The following DTWD2 variants were observed in gnomAD, a reference collection of about 807,000 sequenced individuals.
DTWD2 encodes the protein tRNA-uridine aminocarboxypropyltransferase 2.
In DTWD2, 39 loss-of-function variants were observed where a neutral mutation model predicts 31.8. The ratio of observed to expected loss-of-function variants is 1.22; its 90% confidence interval spans 0.95 to 1.60. DTWD2 has a LOEUF of 1.60. Ranked by LOEUF, DTWD2 falls within the 40% of genes most tolerant of loss-of-function variation. The pLI is 0.00. For synonymous variants in DTWD2, 180 were observed against 142.8 expected (o/e 1.26, Z -1.86); for missense variants, 515 against 381.5 (o/e 1.35, Z -2.92).
intron 4 of DTWD2, 26 bp from the exon 5 acceptor site, chr5:118,848,244 T>G (rs1468248486): frequency 6.5e-7 from 1 of 1,549,824 alleles, no homozygotes; most frequent in Admixed American, 2.2e-5. Flanking sequence ...AAATAGAACA[T>G]AATTTTTGTT....
chr5:118,909,434 C>A (rs1580800370), intron 4 of DTWD2, among the ~76,000 whole-genome samples: 1 of 152,182 alleles, frequency 6.6e-6, no homozygotes, highest in South Asian at 2.1e-4. Flanking sequence ...CTGCAGACCC[C>A]CAACAGCTTT....
At chr5:118,936,442 T>C (rs1245441431) in intron 3 of DTWD2, among the ~76,000 whole-genome samples, 1 of 151,906 alleles carries the variant, frequency 6.6e-6, no homozygotes. Context: ...GCCACTGTAC[T>C]TCAAGCCTGG....
intron 4 of DTWD2, among the ~76,000 whole-genome samples, chr5:118,918,455 T>C (rs1454676015): frequency 1.4e-5 from 2 of 146,834 alleles, no homozygotes; most frequent in African/African-American, 5.1e-5. Context: ...TTAGTCAGAG[T>C]GAGACTCCGT....
chr5:118,852,545 T>C (rs1752034774), intron 4 of DTWD2, among the ~76,000 whole-genome samples: 1 of 152,118 alleles, frequency 6.6e-6, no homozygotes, highest in Non-Finnish European at 1.5e-5. Flanking sequence ...AGAAGGGCTA[T>C]TATTAAAAAG....
chr5:118,853,232 T>C (rs1752051756), intron 4 of DTWD2, among the ~76,000 whole-genome samples: 2 of 152,162 alleles, frequency 1.3e-5, no homozygotes, highest in South Asian at 4.1e-4. Context: ...AAATTGTTTT[T>C]TTAAGTTAAA....
chr5:118,843,349 G>C (rs969649611), intron 5 of DTWD2, among the ~76,000 whole-genome samples: 4 of 142,002 alleles, frequency 2.8e-5, no homozygotes, highest in African/African-American at 1.2e-4. Flanking sequence ...GAGGGAGGCA[G>C]GGAGGGAGGA....
chr5:118,930,976 G>T (rs1007445023), intron 3 of DTWD2, among the ~76,000 whole-genome samples: 1 of 151,700 alleles, frequency 6.6e-6, no homozygotes, highest in African/African-American at 2.4e-5. Context: ...AAATATCTTT[G>T]GATATACTAG....
chr5:118,861,583 T>TA (rs374006976), intron 4 of DTWD2, among the ~76,000 whole-genome samples: 3,448 of 152,114 alleles, frequency 0.023, 48 homozygotes, highest in Middle Eastern at 0.034. Context: ...GATTTTTTTT[T>TA]AAAAAAGAAT....
At chr5:118,872,776 T>TGCTGACAGATTTACACGAA (rs1752534645) in intron 4 of DTWD2, among the ~76,000 whole-genome samples, 1 of 152,112 alleles carries the variant, frequency 6.6e-6, no homozygotes, top group Non-Finnish European at 1.5e-5. Flanking sequence ...GGAAAAACGG[T>TGCTGACAGATTTACACGAA]GCTGACAGAT....
chr5:118,872,707 T>G (rs1752533215), intron 4 of DTWD2, among the ~76,000 whole-genome samples: 1 of 152,146 alleles, frequency 6.6e-6, no homozygotes, highest in Non-Finnish European at 1.5e-5. Context: ...ATGAAAAAGT[T>G]TGAAACATTG....
intron 3 of DTWD2, among the ~76,000 whole-genome samples, chr5:118,938,731 A>T (rs1046008432): frequency 5.3e-5 from 8 of 151,218 alleles, no homozygotes; most frequent in African/African-American, 1.9e-4. Flanking sequence ...AATAATAATA[A>T]CAATTTACTG....
chr5:118,848,190 T>A lies in DTWD2; in HGVS notation c.626A>T (p.Gln209Leu), dbSNP rs200334185. 1.6e-5 allele frequency: 25 copies of A among 1,602,540 alleles called. No individual in the cohort carries two copies. Among genetic ancestry groups the A allele is most frequent in the Non-Finnish European group, 1.9e-5 (22 of 1,175,534 alleles). ...QVQLKTSISS[Q>L]YVIRMQPTNR... Reference sequence around the variant, plus strand: ...AGTCGGCTGCATCCGAATTACATACTGACTAGAAATGCTAGTTTTTAATTG... The same window carrying A: ...AGTCGGCTGCATCCGAATTACATACAGACTAGAAATGCTAGTTTTTAATTG... Residue 209 changes from glutamine (Q) to leucine (L), a missense_variant, in exon 5 of 6, where the codon CAG becomes CTG. Coordinates refer to ENST00000510708, the MANE Select transcript of DTWD2 (RefSeq NM_173666.4).
chr5:118,962,663 G>A (rs1228110300), intron 1 of DTWD2, among the ~76,000 whole-genome samples: 1 of 152,156 alleles, frequency 6.6e-6, no homozygotes, highest in Non-Finnish European at 1.5e-5. Flanking sequence ...GGAGAAGGGA[G>A]AGGAAAAGAA....
At chr5:118,898,298 C>T (rs1753125712) in intron 4 of DTWD2, among the ~76,000 whole-genome samples, 1 of 152,140 alleles carries the variant, frequency 6.6e-6, no homozygotes, top group Non-Finnish European at 1.5e-5. Flanking sequence ...TCAGTTGCTA[C>T]TGGGCAAAAA....
intron 4 of DTWD2, among the ~76,000 whole-genome samples, chr5:118,884,206 T>TTACA (rs1020268948): frequency 2.0e-5 from 3 of 152,200 alleles, no homozygotes; most frequent in Admixed American, 6.5e-5. Context: ...ATCTGTGCTT[T>TTACA]TACATACATA....
At chr5:118,874,065 C>G (rs1221499352) in intron 4 of DTWD2, among the ~76,000 whole-genome samples, 1 of 152,212 alleles carries the variant, frequency 6.6e-6, no homozygotes, top group Non-Finnish European at 1.5e-5. Context: ...AGTTACAGCA[C>G]TCAGTCTAAG....
intron 3 of DTWD2, among the ~76,000 whole-genome samples, chr5:118,929,671 C>A (rs1243159386): frequency 6.6e-6 from 1 of 152,050 alleles, no homozygotes. Flanking sequence ...TGAAGGAAAC[C>A]AAAATATTTC....
intron 1 of DTWD2, among the ~76,000 whole-genome samples, chr5:118,975,395 C>T (rs950390743): frequency 6.6e-6 from 1 of 152,142 alleles, no homozygotes; most frequent in African/African-American, 2.4e-5. Context: ...ATGTTATTCT[C>T]TAAACTGGTT....
At chr5:118,975,178 G>C (rs547480533) in intron 1 of DTWD2, among the ~76,000 whole-genome samples, 3 of 152,082 alleles carry the variant, frequency 2.0e-5, no homozygotes, top group Non-Finnish European at 4.4e-5. Context: ...ACATAGGTTT[G>C]GTCTTTTCAC....
Sources: gnomAD v4.1 joint callset for allele counts (sites outside exome capture counted in the v4.1 genomes callset) on GRCh38, gnomAD v4.1.1 for gene constraint, MANE v1.5 for transcripts, NCBI Gene and HGNC (gene_info 2026-07-23, HGNC 2026-07-21) for gene names.